SLC4A4: variants seen among roughly 807,000 people sequenced by gnomAD.
SLC4A4 encodes the protein solute carrier family 4 member 4, also known as electrogenic sodium bicarbonate cotransporter 1.
A neutral mutation model predicts 111.5 loss-of-function variants in SLC4A4; 27 were observed. The ratio of observed to expected loss-of-function variants is 0.24; its 90% confidence interval spans 0.18 to 0.33. The LOEUF (loss-of-function observed/expected upper bound fraction) is 0.33, where lower values mean the gene tolerates loss of function less well. Among genes scored for constraint, SLC4A4 ranks in the 10% least tolerant of loss-of-function variants. The pLI, the probability that SLC4A4 is intolerant of heterozygous loss-of-function variation, is 1.00. For synonymous variants in SLC4A4, 443 were observed against 463.4 expected, an observed-to-expected ratio of 0.96 and a Z score of 0.57; for missense variants, 909 against 1,315.5, an observed-to-expected ratio of 0.69 and a Z score of 4.78.
rs560509797 is a variant in SLC4A4 at position 71,258,129 on chromosome 4, A to G, written c.253+2730A>G. Among the ~76,000 whole-genome samples the G allele has an allele frequency of 7.9e-5, 12 of 152,344 alleles. No individual in the cohort carries two copies. In the South Asian group the frequency reaches 1.9e-3, roughly 24 times the overall value. On this transcript the variant is annotated intron_variant, in intron 3 of 25. Transcript: ENST00000264485. ...AAACCTCAATTGGGCATCATGGCCC[A>G]GTGTCTTTCTAGTCCTGTGATGTGC...
chr4:71,206,389 C>T (rs563950560), intron 1 of SLC4A4, among the ~76,000 whole-genome samples: 56 of 152,096 alleles, frequency 3.7e-4, no homozygotes, highest in Non-Finnish European at 6.8e-4. Context: ...TTTTAGGTTA[C>T]AATTCACAGT....
At chr4:71,546,646 C>T in intron 19 of SLC4A4, 118 bp downstream of exon 19, 1 of 919,292 alleles carries the variant, frequency 1.1e-6, no homozygotes, top group Non-Finnish European at 1.7e-6. Flanking sequence ...TAATTTATTC[C>T]TATATTTTTT....
intron 3 of SLC4A4, among the ~76,000 whole-genome samples, chr4:71,325,918 A>T (rs769334645): frequency 1.3e-5 from 2 of 151,856 alleles, no homozygotes; most frequent in African/African-American, 4.8e-5. Context: ...AAACATTTAT[A>T]TGTTTATAAA....
At chr4:71,084,981 C>CCG (rs1742115861) in intron 1 of SLC4A4, among the ~76,000 whole-genome samples, 5 of 152,208 alleles carry the variant, frequency 3.3e-5, no homozygotes, top group Non-Finnish European at 5.9e-5. Context: ...AATCGCCACA[C>CCG]TAACTTCCAC....
At chr4:71,473,145 A>G in intron 14 of SLC4A4, 175 bp downstream of exon 14, 4 of 757,296 alleles carry the variant, frequency 5.3e-6, no homozygotes, top group South Asian at 2.9e-5. Flanking sequence ...TTTTAGCTGT[A>G]TGATTCAACC....
At chr4:71,378,844 T>C (rs578227798) in intron 6 of SLC4A4, among the ~76,000 whole-genome samples, 1 of 152,314 alleles carries the variant, frequency 6.6e-6, no homozygotes, top group Non-Finnish European at 1.5e-5. Context: ...ATCTCATTTC[T>C]ACTCCTCTTA....
intron 2 of SLC4A4, among the ~76,000 whole-genome samples, chr4:71,102,153 C>T (rs931462247): frequency 1.3e-5 from 2 of 151,812 alleles, no homozygotes; most frequent in Non-Finnish European, 2.9e-5. Flanking sequence ...ATGCGATCAA[C>T]TGGAAGAAAG....
Position 71,569,277 on chromosome 4 carries a change from C to T in SLC4A4, c.*1526C>T, listed in dbSNP as rs1028183538. The T allele has an allele frequency of 6.6e-6, 1 of 151,582 alleles. No individual in the cohort carries two copies. The highest frequency in any genetic ancestry group is 2.4e-5 in the African/African-American group (1 of 41,398). 9.4% of individuals were successfully genotyped at this position (151,582 alleles called of 1,614,324 possible). A position where few individuals can be genotyped will look rare whatever the true frequency, so the allele number is the denominator to read the frequency against. On this transcript the variant is annotated 3_prime_UTR_variant, in exon 26 of 26. Transcript: ENST00000264485. The stretch of plus-strand genomic sequence containing the variant: ...TAATTGATATAATAGCTCTAACATG[C>T]AATATAAAATTCATAGGAGTATTAA...
intron 3 of SLC4A4, among the ~76,000 whole-genome samples, chr4:71,326,977 G>A (rs1727553341): frequency 1.3e-5 from 2 of 151,924 alleles, no homozygotes; most frequent in Non-Finnish European, 2.9e-5. Context: ...TTATACTTTG[G>A]TTTGAAAGCT....
intron 16 of SLC4A4, among the ~76,000 whole-genome samples, chr4:71,507,947 A>G (rs1051631662): frequency 2.3e-4 from 35 of 152,080 alleles, no homozygotes; most frequent in African/African-American, 7.5e-4. Flanking sequence ...ACTCAAAACC[A>G]TAAAACATGG....
At chr4:71,490,763 A>G (rs1324594425) in intron 15 of SLC4A4, among the ~76,000 whole-genome samples, 3 of 151,752 alleles carry the variant, frequency 2.0e-5, no homozygotes, top group Non-Finnish European at 2.9e-5. Context: ...TGGTGAGTGG[A>G]TGCAGACTTG....
At chr4:71,537,804 G>C (rs905859616) in intron 18 of SLC4A4, among the ~76,000 whole-genome samples, 1 of 151,896 alleles carries the variant, frequency 6.6e-6, no homozygotes, top group African/African-American at 2.4e-5. Context: ...CACAGAGCCC[G>C]AGAATTGGTC....
chr4:71,229,271 G>T (rs1719244168), intron 1 of SLC4A4, among the ~76,000 whole-genome samples: 1 of 152,124 alleles, frequency 6.6e-6, no homozygotes, highest in African/African-American at 2.4e-5. Flanking sequence ...GTATTTCATG[G>T]TATGGATGTA....
At chr4:71,311,692 G>T (rs553767759) in intron 3 of SLC4A4, among the ~76,000 whole-genome samples, 1 of 152,202 alleles carries the variant, frequency 6.6e-6, no homozygotes, top group South Asian at 2.1e-4. Flanking sequence ...GCAGTGTTTA[G>T]AGGGAAATTT....
At chr4:71,228,702 T>A (rs974346957) in intron 1 of SLC4A4, among the ~76,000 whole-genome samples, 17 of 152,318 alleles carry the variant, frequency 1.1e-4, no homozygotes, top group Non-Finnish European at 1.9e-4. Context: ...AAAACAGAGT[T>A]ACAAATGAGC....
Position 71,532,137 on chromosome 4 carries a change from G to A in SLC4A4, c.2242G>A (p.Val748Met), listed in dbSNP as rs760895286. The change falls in exon 17 of 26, where the codon GTG (valine) becomes ATG (methionine). Residue 748 changes from valine (V) to methionine (M), a missense_variant. Physicochemically the swap from Val to Met is conservative, Grantham distance 21. Transcript: ENST00000264485. ...IFCVIDALVG[V>M]DTPKLIVPSE... ...TTGTGTAATAGATGCCCTAGTAGGC[G>A]TGGACACCCCAAAACTAATTGTGCC... 9.3e-6 allele frequency: 15 copies of A among 1,612,296 alleles called. No homozygotes were observed. Among genetic ancestry groups the A allele is most frequent in the African/African-American group, 5.3e-5 (4 of 74,820 alleles).
At chr4:71,548,595 C>G (rs1408247176) in intron 20 of SLC4A4, among the ~76,000 whole-genome samples, 1 of 151,774 alleles carries the variant, frequency 6.6e-6, no homozygotes, top group Admixed American at 6.6e-5. Flanking sequence ...ATGCAATTCA[C>G]CCATGGACCT....
At chr4:71,486,138 A>G (rs1051330117) in intron 14 of SLC4A4, among the ~76,000 whole-genome samples, 3 of 151,598 alleles carry the variant, frequency 2.0e-5, no homozygotes, top group Non-Finnish European at 3.0e-5. Context: ...GTGTTGTTTT[A>G]TAATATTTCT....
chr4:71,307,216 A>G (rs1725760664), intron 3 of SLC4A4, among the ~76,000 whole-genome samples: 1 of 152,222 alleles, frequency 6.6e-6, no homozygotes, highest in African/African-American at 2.4e-5. Flanking sequence ...TTACTACAGT[A>G]GCTTCCATCT....
Sources: gnomAD v4.1 joint callset for allele counts (sites outside exome capture counted in the v4.1 genomes callset) on GRCh38, gnomAD v4.1.1 for gene constraint, MANE v1.5 for transcripts, NCBI Gene and HGNC (gene_info 2026-07-23, HGNC 2026-07-21) for gene names.